The following ACACA variants were observed in gnomAD, a reference collection of about 807,000 sequenced individuals.
The protein encoded by ACACA is acetyl-CoA carboxylase 1.
Under a neutral mutation model 296.1 loss-of-function variants are expected in ACACA, and 103 were observed. The ratio of observed to expected loss-of-function variants is 0.35; its 90% CI spans 0.30 to 0.41. The LOEUF is 0.41. Among genes scored for constraint, ACACA ranks in the 10% least tolerant of loss-of-function variants. The pLI is 1.00. For missense variants in ACACA, 1,554 were observed against 2,989.7 expected, an observed-to-expected ratio of 0.52 and a Z score of 11.20; for synonymous variants, 953 against 1,038.6, an observed-to-expected ratio of 0.92 and a Z score of 1.58.
intron 10 of ACACA, among the ~76,000 whole-genome samples, chr17:37,270,350 T>C (rs940628157): frequency 1.6e-4 from 25 of 152,146 alleles, no homozygotes; most frequent in Non-Finnish European, 3.1e-4. Flanking sequence ...AGAGCAACCA[T>C]ATCAGTATCA....
At chr17:37,150,368 C>T (rs989999391) in intron 44 of ACACA, among the ~76,000 whole-genome samples, 38 of 152,024 alleles carry the variant, frequency 2.5e-4, no homozygotes, top group African/African-American at 8.7e-4. Context: ...ATGGTGAAAC[C>T]CTGTCTCTAG....
chr17:37,382,601 C>T (rs944911900), intron 1 of ACACA, among the ~76,000 whole-genome samples: 1 of 152,148 alleles, frequency 6.6e-6, no homozygotes, highest in African/African-American at 2.4e-5. Context: ...GTGGCTCACG[C>T]CTGTAATCCC....
At chr17:37,296,602 G>T (rs1241467674) in intron 3 of ACACA, among the ~76,000 whole-genome samples, 1 of 151,780 alleles carries the variant, frequency 6.6e-6, no homozygotes, top group African/African-American at 2.4e-5. Flanking sequence ...ACCATGCCTC[G>T]CCTGGAGCCT....
rs1221973148 is a variant in ACACA, at chr17:37,289,271, A to C, written c.339-4301T>G. On this transcript the variant is annotated intron_variant, in intron 3 of 55. Coordinates refer to ENST00000616317, the MANE Select transcript of ACACA (RefSeq NM_198834.3). ...AGTTAGACTCCATCTCAAAAAAAAA[A>C]CAAAAAACAAAAAAATCATTTAACT... The C allele has an allele frequency of 1.3e-4, 47 of 370,172 alleles. No homozygotes were observed. The Admixed American group carries it at 1.8e-3, about 14-fold the overall frequency. The allele number at this position is 370,172 out of a possible 1,614,324, so 22.9% of individuals were successfully genotyped here. A position where few individuals can be genotyped will look rare whatever the true frequency, so the allele number is the denominator to read the frequency against.
intron 1 of ACACA, among the ~76,000 whole-genome samples, chr17:37,349,031 T>G (rs550879216): frequency 1.4e-4 from 21 of 151,952 alleles, no homozygotes; most frequent in African/African-American, 5.1e-4. Flanking sequence ...ATAAAGGGTT[T>G]TCAGAAAACA....
intron 52 of ACACA, among the ~76,000 whole-genome samples, chr17:37,100,648 C>T (rs1457017894): frequency 7.5e-6 from 1 of 133,578 alleles, no homozygotes; most frequent in Admixed American, 7.5e-5. Flanking sequence ...AAAAAAAAAA[C>T]TAAAAAGGAC....
chr17:37,158,769 C>A (rs1178042704), intron 42 of ACACA, among the ~76,000 whole-genome samples: 1 of 152,138 alleles, frequency 6.6e-6, no homozygotes, highest in African/African-American at 2.4e-5. Context: ...TCTTGCCAAA[C>A]CACCAGGTGA....
chr17:37,374,279 T>C (rs962641459), intron 1 of ACACA, among the ~76,000 whole-genome samples: 5 of 151,570 alleles, frequency 3.3e-5, no homozygotes, highest in Non-Finnish European at 5.9e-5. Flanking sequence ...TATTCTCTTT[T>C]TTTTCTTTTC....
rs1210097377 is a variant in ACACA at position 37,224,038 on chromosome 17, T to C, written c.3475-437A>G. On this transcript the variant is annotated intron_variant, in intron 27 of 55. Coordinates refer to ENST00000616317, the MANE Select transcript of ACACA (RefSeq NM_198834.3). ...CCAACATGGCGAAACCCTGTCTCTG[T>C]TAAAAATACAAAAATTAGCCAGGCG... Among the ~76,000 whole-genome samples the C allele has an allele frequency of 2.0e-5, 3 of 151,936 alleles. No individual in the cohort carries two copies. The South Asian group carries it at 6.2e-4, about 32-fold the overall frequency.
chr17:37,216,208 GTATA>G (rs71159696), intron 29 of ACACA, among the ~76,000 whole-genome samples: 69 of 144,136 alleles, frequency 4.8e-4, no homozygotes, highest in African/African-American at 1.6e-3. Context: ...GTGTGTGTGT[GTATA>G]TATATATATA....
intron 3 of ACACA, among the ~76,000 whole-genome samples, chr17:37,327,563 G>T (rs558560105): frequency 6.6e-6 from 1 of 152,250 alleles, no homozygotes; most frequent in South Asian, 2.1e-4. Context: ...CTTTGCATAA[G>T]AACCATCAAC....
chr17:37,246,719 C>T lies in ACACA; in HGVS notation c.2460+107G>A. The stretch of plus-strand genomic sequence containing the variant: ...AAGTGGTAGGATTACAGGCACAAGC[C>T]ACTGTGCCCAGCCTCCTTTCTGTAA... On this transcript the variant is annotated intron_variant, in intron 19 of 55. Coordinates refer to ENST00000616317, the MANE Select transcript of ACACA (RefSeq NM_198834.3). 3 of 1,431,730 alleles carry T rather than the reference C, an allele frequency of 2.1e-6. No individual in the cohort carries two copies. The South Asian group carries it at 3.4e-5, about 16-fold the overall frequency. 88.7% of individuals were successfully genotyped at this position (1,431,730 alleles called of 1,614,324 possible).
At chr17:37,353,017 C>T (rs2048975126) in intron 1 of ACACA, among the ~76,000 whole-genome samples, 1 of 152,168 alleles carries the variant, frequency 6.6e-6, no homozygotes, top group Admixed American at 6.5e-5. Context: ...TTCAAACGTA[C>T]ATCAGATAAA....
intron 3 of ACACA, among the ~76,000 whole-genome samples, chr17:37,320,356 C>A (rs2047294682): frequency 6.6e-6 from 1 of 151,352 alleles, no homozygotes; most frequent in East Asian, 2.0e-4. Context: ...ACTAAAAAAA[C>A]AAAAATTAGC....
rs554747135 is a variant in ACACA at position 37,399,467 on chromosome 17, A to G, written c.38+6795T>C. Among the ~76,000 whole-genome samples, 6 of 152,334 alleles carry G rather than the reference A, an allele frequency of 3.9e-5. No individual in the cohort carries two copies. The South Asian group carries it at 6.2e-4, about 16-fold the overall frequency. ...GTCACCAAATGATGCAAAATAATTT[A>G]GGAGCCTGTTTTGACAGTCACAAGA... On this transcript the variant is annotated intron_variant, in intron 1 of 55. Coordinates refer to ENST00000616317, the MANE Select transcript of ACACA (RefSeq NM_198834.3).
chr17:37,127,673 G>A (rs562803297), intron 47 of ACACA, among the ~76,000 whole-genome samples: 6 of 151,966 alleles, frequency 3.9e-5, no homozygotes, highest in Admixed American at 2.0e-4. Context: ...GTGAAACCCC[G>A]TCTCTACTAA....
intron 45 of ACACA, among the ~76,000 whole-genome samples, chr17:37,137,533 G>A (rs1440707428): frequency 6.6e-6 from 1 of 152,184 alleles, no homozygotes; most frequent in Non-Finnish European, 1.5e-5. Flanking sequence ...TAACAGGCAT[G>A]CAATAAATGC....
intron 28 of ACACA, among the ~76,000 whole-genome samples, chr17:37,223,287 G>T (rs2079380246): frequency 6.6e-6 from 1 of 152,196 alleles, no homozygotes; most frequent in African/African-American, 2.4e-5. Flanking sequence ...AATGCTGGCA[G>T]CTATTTTCCT....
chr17:37,257,204 A>T (rs776838790), intron 14 of ACACA, among the ~76,000 whole-genome samples: 1 of 152,198 alleles, frequency 6.6e-6, no homozygotes, highest in African/African-American at 2.4e-5. Flanking sequence ...CCTTTTCATA[A>T]TATGAGCAGT....
Sources: allele counts gnomAD v4.1 joint callset (sites outside exome capture counted in the v4.1 genomes callset), GRCh38; gene constraint gnomAD v4.1.1; transcripts MANE v1.5; gene names NCBI Gene and HGNC (gene_info 2026-07-23, HGNC 2026-07-21).